Variants in GNPNAT1 observed in about 807,000 individuals in gnomAD.
The protein encoded by GNPNAT1 is glucosamine 6-phosphate N-acetyltransferase.
GNPNAT1 carries 11 observed loss-of-function variants against 19.8 expected under a neutral mutation model. That is an observed-to-expected ratio of 0.56 (90% CI 0.35 to 0.92). The LOEUF (loss-of-function observed/expected upper bound fraction) is 0.92. Ranked by LOEUF, GNPNAT1 falls within the 40% of genes least tolerant of loss-of-function variation. GNPNAT1 has a pLI of 0.01. For synonymous variants in GNPNAT1, 71 were observed against 72.3 expected, an observed-to-expected ratio of 0.98 and a Z score of 0.09; for missense variants, 157 against 211.0, an observed-to-expected ratio of 0.74 and a Z score of 1.59.
At chr14:52,787,768 G>T (rs545569734) in intron 1 of GNPNAT1, 2 of 152,074 alleles carry the variant, frequency 1.3e-5, no homozygotes, top group African/African-American at 4.8e-5. Context: ...TACTTAATAA[G>T]ATATATGCTA....
intron 1 of GNPNAT1, among the ~76,000 whole-genome samples, chr14:52,788,297 C>G (rs1417154718): frequency 6.6e-6 from 1 of 151,948 alleles, no homozygotes; most frequent in African/African-American, 2.4e-5. Flanking sequence ...CCACGCCTGG[C>G]TAATTTTTGT....
intron 5 of GNPNAT1, among the ~76,000 whole-genome samples, chr14:52,780,320 A>G (rs1416974983): frequency 6.6e-6 from 1 of 152,216 alleles, no homozygotes; most frequent in Non-Finnish European, 1.5e-5. Flanking sequence ...TATGAGAATG[A>G]GAGATCACAG....
At chr14:52,787,875 C>A (rs1171632106) in intron 1 of GNPNAT1, 1 of 151,884 alleles carries the variant, frequency 6.6e-6, no homozygotes, top group East Asian at 2.0e-4. Flanking sequence ...ACAGGAACTA[C>A]AAAAAGAATG....
chr14:52,780,955 A>C (rs1166487062), intron 4 of GNPNAT1, among the ~76,000 whole-genome samples: 2 of 152,154 alleles, frequency 1.3e-5, no homozygotes, highest in African/African-American at 4.8e-5. Flanking sequence ...GTAATAGCTG[A>C]ACATTTCCTT....
chr14:52,777,617 T>C lies in GNPNAT1; in HGVS notation c.*694A>G, dbSNP rs1169996811. 6.6e-6 allele frequency: 1 copy of C among 152,224 alleles called. No individual in the cohort carries two copies. Among genetic ancestry groups the C allele is most frequent in the Non-Finnish European group, 1.5e-5 (1 of 68,026 alleles). 9.4% of individuals were successfully genotyped at this position (152,224 alleles called of 1,614,324 possible). On this transcript the variant is annotated 3_prime_UTR_variant, in exon 6 of 6. Transcript: ENST00000216410. ...CACTATAATTGCTCTTAGGTATTTTTAACAAATGAATAGTCATAATTCACA... is the reference window on the plus strand; with the variant it reads ...CACTATAATTGCTCTTAGGTATTTTCAACAAATGAATAGTCATAATTCACA...
chr14:52,782,973 T>A (rs1366797010), intron 3 of GNPNAT1, among the ~76,000 whole-genome samples: 1 of 152,030 alleles, frequency 6.6e-6, no homozygotes, highest in Admixed American at 6.6e-5. Flanking sequence ...AATTCCTATT[T>A]TCTCCTATGT....
At chr14:52,785,086 C>G (rs776144800) in intron 1 of GNPNAT1, among the ~76,000 whole-genome samples, 38 of 151,832 alleles carry the variant, frequency 2.5e-4, no homozygotes, top group Admixed American at 1.1e-3. Context: ...ACACCACGCC[C>G]GGCTAATTTT....
intron 2 of GNPNAT1, among the ~76,000 whole-genome samples, chr14:52,783,708 A>G (rs1882947770): frequency 6.6e-6 from 1 of 152,144 alleles, no homozygotes; most frequent in Non-Finnish European, 1.5e-5. Context: ...GATGTTTTAA[A>G]TAGTGCTGAC....
Position 52,781,816 on chromosome 14 carries a change from T to G in GNPNAT1, c.313A>C (p.Ile105Leu). The change falls in exon 4 of 6, where the codon ATA (isoleucine) becomes CTA (leucine). Residue 105 changes from isoleucine (I) to leucine (L), a missense_variant. By Grantham distance (5) the Ile-to-Leu change is conservative. Transcript: ENST00000216410. Reference protein sequence around the residue: ...GQIVATATLIIEHKFIHSCAK... With the variant: ...GQIVATATLILEHKFIHSCAK... Reference sequence around the variant, plus strand: ...CAGGAATGGATGAATTTATGTTCTATAATCAGAGTTGCCGTAGCAACAATC... The same window carrying G: ...CAGGAATGGATGAATTTATGTTCTAGAATCAGAGTTGCCGTAGCAACAATC... 1 of 1,606,168 alleles carries G rather than the reference T, an allele frequency of 6.2e-7. No individual in the cohort carries two copies. Among genetic ancestry groups the G allele is most frequent in the Non-Finnish European group, 8.5e-7 (1 of 1,177,692 alleles).
At position 52,777,471 on chromosome 14, in the gene GNPNAT1, T is replaced by A. The variant is rs941849361; in HGVS notation, c.*840A>T. 1 of 152,100 alleles carries A rather than the reference T, an allele frequency of 6.6e-6. No homozygotes were observed. The highest frequency in any genetic ancestry group is 6.5e-5 in the Admixed American group (1 of 15,274). The allele number at this position is 152,100 out of a possible 1,614,324, so 9.4% of individuals were successfully genotyped here. ...AAGTATTGTGTTTCACTCAATTTTG[T>A]GATACTCCATTTTTGAAAAAACTTA... On this transcript the variant is annotated 3_prime_UTR_variant, in exon 6 of 6. Transcript: ENST00000216410.
At chr14:52,785,904 C>G (rs1008825849) in intron 1 of GNPNAT1, among the ~76,000 whole-genome samples, 1 of 150,660 alleles carries the variant, frequency 6.6e-6, no homozygotes, top group African/African-American at 2.4e-5. Flanking sequence ...CCTGCCACCA[C>G]GCCCAGCTAG....
chr14:52,783,478 A>T lies in GNPNAT1; in HGVS notation c.162T>A (p.Phe54Leu). 1 of 1,606,106 alleles carries T rather than the reference A, an allele frequency of 6.2e-7. No individual in the cohort carries two copies. Among genetic ancestry groups the T allele is most frequent in the Non-Finnish European group, 8.5e-7 (1 of 1,173,312 alleles). Residue 54 changes from phenylalanine (F) to leucine (L), a missense_variant, in exon 3 of 6, where the codon TTT (phenylalanine) becomes TTA (leucine). Coordinates refer to ENST00000216410, the MANE Select transcript of GNPNAT1 (RefSeq NM_198066.4). The stretch of plus-strand genomic sequence containing the variant: ...TCTCTGTTAGCTGACCCAATACCTT[A>T]AAAAAACCTAGTTTTGAAAAACAGA... ...LCTADLNRGF[F>L]KVLGQLTETG...
chr14:52,788,051 T>C (rs1187150560), intron 1 of GNPNAT1, among the ~76,000 whole-genome samples: 1 of 152,120 alleles, frequency 6.6e-6, no homozygotes, highest in Non-Finnish European at 1.5e-5. Context: ...AAGGAAAATA[T>C]AGAAATTGTG....
intron 1 of GNPNAT1, among the ~76,000 whole-genome samples, chr14:52,784,927 T>TC (rs1882976859): frequency 9.0e-6 from 1 of 111,202 alleles, no homozygotes; most frequent in Non-Finnish European, 2.0e-5. Context: ...TTATCAAGTC[T>TC]TTTTTTTTTT....
intron 1 of GNPNAT1, among the ~76,000 whole-genome samples, chr14:52,790,950 C>T (rs1250176352): frequency 6.6e-6 from 1 of 152,132 alleles, no homozygotes; most frequent in East Asian, 1.9e-4. Context: ...GGGAAAGCGC[C>T]GACCTACTCG....
At chr14:52,778,702 C>T (rs748474983) in intron 5 of GNPNAT1, among the ~76,000 whole-genome samples, 1 of 152,020 alleles carries the variant, frequency 6.6e-6, no homozygotes, top group East Asian at 1.9e-4. Flanking sequence ...AAATACAAAA[C>T]TCACCCTAAG....
rs567959134 is a variant in GNPNAT1, at chr14:52,776,728, C to CT, written c.*1582dup. On this transcript the variant is annotated 3_prime_UTR_variant, in exon 6 of 6. Coordinates refer to ENST00000216410, the MANE Select transcript of GNPNAT1 (RefSeq NM_198066.4). ...ATGCCACCACGTCTGGCTAATTTTT[C>CT]TTTTTTTTAGTAGAGACAGGGTTTC... 34 of 151,810 alleles carry CT rather than the reference C, an allele frequency of 2.2e-4. 1 individual carries two copies. The South Asian group carries it at 2.5e-3, about 11-fold the overall frequency. 9.4% of individuals were successfully genotyped at this position (151,810 alleles called of 1,614,324 possible).
At chr14:52,783,142 AC>A (rs1002586653) in intron 3 of GNPNAT1, among the ~76,000 whole-genome samples, 1 of 152,090 alleles carries the variant, frequency 6.6e-6, no homozygotes, top group Admixed American at 6.6e-5. Context: ...TAAGGGAAAT[AC>A]TACAATAAAA....
intron 2 of GNPNAT1, 123 bp from the exon 3 acceptor site, chr14:52,783,608 T>C: frequency 1.6e-6 from 1 of 640,480 alleles, no homozygotes; most frequent in Non-Finnish European, 2.8e-6. Flanking sequence ...CTATAATCTT[T>C]TAATTATTAG....
Sources: gnomAD v4.1 joint callset for allele counts (sites outside exome capture counted in the v4.1 genomes callset) on GRCh38, gnomAD v4.1.1 for gene constraint, MANE v1.5 for transcripts, NCBI Gene and HGNC (gene_info 2026-07-23, HGNC 2026-07-21) for gene names.